The following CDC42 variants were observed in gnomAD, a reference collection of about 807,000 sequenced individuals.
CDC42 encodes cell division cycle 42.
Under a neutral mutation model 20.8 loss-of-function variants are expected in CDC42, and 1 was observed. The observed-to-expected ratio is 0.05, with a 90% CI of 0.02 to 0.23. The LOEUF is 0.23. Among genes scored for constraint, CDC42 ranks in the 10% least tolerant of loss-of-function variants. The probability of loss-of-function intolerance (pLI) is 1.00; values close to 1 mark genes in which losing one functional copy is unlikely to be tolerated. For missense variants in CDC42, 49 were observed against 227.9 expected (o/e 0.21, Z 5.05); for synonymous variants, 72 against 84.8 (o/e 0.85, Z 0.83).
At chr1:22,087,427 C>A (rs570694983) in intron 5 of CDC42, among the ~76,000 whole-genome samples, 2 of 151,998 alleles carry the variant, frequency 1.3e-5, no homozygotes, top group African/African-American at 4.8e-5. Context: ...GCATTCCGGC[C>A]GTTTTTGAGT....
At chr1:22,062,215 C>T (rs981468119) in intron 1 of CDC42, among the ~76,000 whole-genome samples, 2 of 152,186 alleles carry the variant, frequency 1.3e-5, no homozygotes, top group African/African-American at 2.4e-5. Context: ...GGATTACAGG[C>T]GTGAGCCTCC....
intron 3 of CDC42, among the ~76,000 whole-genome samples, chr1:22,083,106 TC>T (rs1280064957): frequency 2.6e-5 from 4 of 151,780 alleles, no homozygotes; most frequent in African/African-American, 9.7e-5. Context: ...GTCTCGAACT[TC>T]TGACCTCAGG....
intron 1 of CDC42, among the ~76,000 whole-genome samples, chr1:22,054,512 G>A (rs1399354580): frequency 2.0e-5 from 3 of 152,118 alleles, no homozygotes; most frequent in African/African-American, 7.2e-5. Flanking sequence ...ATCCTTCCGC[G>A]ACTGCAATAG....
In CDC42 at chr1:22,086,533, A is replaced by G; in HGVS notation, c.273A>G (p.Glu91=). ...CAGTGGTCTCTCCATCTTCATTTGA[A>G]AACGTGAAAGAAAAGGTAAGCTGAT... ...CFSVVSPSSF[E]NVKEKWVPEI... The change falls in exon 4 of 6, where the codon GAA becomes GAG. Residue 91 remains glutamate (E), a synonymous_variant. Transcript: ENST00000656825. 6.2e-7 allele frequency: 1 copy of G among 1,609,180 alleles called. No homozygotes were observed. The highest frequency in any genetic ancestry group is 8.5e-7 in the Non-Finnish European group (1 of 1,176,196).
Position 22,093,672 on chromosome 1 carries a change from G to C in CDC42, c.*2155G>C, listed in dbSNP as rs1009307964. Among the ~76,000 whole-genome samples, 5 of 152,166 alleles carry C rather than the reference G, an allele frequency of 3.3e-5. No homozygotes were observed. The highest frequency in any genetic ancestry group is 4.8e-5 in the African/African-American group (2 of 41,436). On this transcript the variant is annotated 3_prime_UTR_variant, in exon 6 of 6. Transcript: ENST00000656825. ...GTTGGTTGAGAAGGGGTTAGGAAGA[G>C]GCAGATGTAAGCTTTAACAGTTCTA...
intron 1 of CDC42, among the ~76,000 whole-genome samples, chr1:22,054,921 ATTTTTTTTTTTTTTTT>A (rs1180547322): frequency 1.5e-4 from 3 of 19,396 alleles, no homozygotes; most frequent in Admixed American, 7.6e-4. Flanking sequence ...ATATATATAT[ATTTTTTTTTTTTTTTT>A]TTTTTTTTTT....
In CDC42 at chr1:22,061,528, C is replaced by CTTTTTTTTTTTTTTTTTT. The variant is rs1404317396; in HGVS notation, c.-51+8789_-51+8790insTTTTTTTTTTTTTTTTTT. ...GGTCAATCAGTTTAACTTCATGTTT[C>CTTTTTTTTTTTTTTTTTT]TTTCTTTTTTTTTTTTTTTTTTTTT... On this transcript the variant is annotated intron_variant, in intron 1 of 5. Coordinates refer to ENST00000656825, the MANE Select transcript of CDC42 (RefSeq NM_001791.4). Among the ~76,000 whole-genome samples the CTTTTTTTTTTTTTTTTTT allele has an allele frequency of 9.3e-5, 8 of 86,306 alleles. 4 individuals are homozygous for CTTTTTTTTTTTTTTTTTT. Among genetic ancestry groups the CTTTTTTTTTTTTTTTTTT allele is most frequent in the South Asian group, 8.3e-4 (2 of 2,410 alleles). 56.6% of individuals were successfully genotyped at this position (86,306 alleles called of 152,430 possible).
In CDC42 at chr1:22,099,694, C is replaced by A. The variant is rs1534949; in HGVS notation, c.*8177C>A. Among the ~76,000 whole-genome samples the A allele has an allele frequency of 0.55, 83,162 of 151,782 alleles. 23,131 individuals are homozygous for A. The highest frequency in any genetic ancestry group is 0.6 in the Non-Finnish European group (40,464 of 67,934). The stretch of plus-strand genomic sequence containing the variant: ...GTTGTAGCATGAGAGAATATGACAC[C>A]TTCTTCCTTTAGAGGATCTAAAGGT... On this transcript the variant is annotated 3_prime_UTR_variant, in exon 6 of 6. Coordinates refer to ENST00000656825, the MANE Select transcript of CDC42 (RefSeq NM_001791.4).
rs16830932 is a variant in CDC42 at position 22,060,917 on chromosome 1, G to GT, written c.-51+8182dup. ...AAAGGATAGTTCTATGGATATCAGT[G>GT]TTTTTTTATTTTGCTATTTTATTCG... On this transcript the variant is annotated intron_variant, in intron 1 of 5. Transcript: ENST00000656825. Among the ~76,000 whole-genome samples, 519 of 152,206 alleles carry GT rather than the reference G, an allele frequency of 3.4e-3. 4 individuals are homozygous for GT. Among genetic ancestry groups the GT allele is most frequent in the African/African-American group, 0.011 (472 of 41,520 alleles).
In CDC42 at chr1:22,098,201, T is replaced by G. The variant is rs1296649199; in HGVS notation, c.*6684T>G. Among the ~76,000 whole-genome samples the G allele has an allele frequency of 3.3e-5, 5 of 152,232 alleles. No homozygotes were observed. The highest frequency in any genetic ancestry group is 5.9e-5 in the Non-Finnish European group (4 of 68,036). On this transcript the variant is annotated 3_prime_UTR_variant, in exon 6 of 6. Coordinates refer to ENST00000656825, the MANE Select transcript of CDC42 (RefSeq NM_001791.4). ...TTTTATTTTGATGAAGTTTGCATTA[T>G]TACTCCTAACAACGTGCCCTTTGGC...
In CDC42 at chr1:22,099,518, G is replaced by T. The variant is rs1645776780; in HGVS notation, c.*8001G>T. On this transcript the variant is annotated 3_prime_UTR_variant, in exon 6 of 6. Coordinates refer to ENST00000656825, the MANE Select transcript of CDC42 (RefSeq NM_001791.4). ...TGCTTACCATTACATATCTTATGTG[G>T]AAATAAAATGTATATGATTAATTAC... Among the ~76,000 whole-genome samples, 1 of 152,200 alleles carries T rather than the reference G, an allele frequency of 6.6e-6. No homozygotes were observed.
At chr1:22,072,708 C>A (rs1436581573) in intron 1 of CDC42, among the ~76,000 whole-genome samples, 1 of 152,112 alleles carries the variant, frequency 6.6e-6, no homozygotes, top group Non-Finnish European at 1.5e-5. Flanking sequence ...CACCGCCACC[C>A]TGTCACTTTA....
intron 5 of CDC42, among the ~76,000 whole-genome samples, chr1:22,088,162 A>G (rs548561501): frequency 2.6e-5 from 4 of 152,350 alleles, no homozygotes; most frequent in Admixed American, 6.5e-5. Context: ...TTTTAGTAAC[A>G]TTCCCAGAAA....
intron 1 of CDC42, among the ~76,000 whole-genome samples, chr1:22,074,849 T>C (rs1292139813): frequency 6.6e-6 from 1 of 152,182 alleles, no homozygotes; most frequent in Non-Finnish European, 1.5e-5. Flanking sequence ...ATAGAAGAGC[T>C]GAGGAAAGGG....
At chr1:22,075,834 A>G (rs748829663) in intron 1 of CDC42, among the ~76,000 whole-genome samples, 18 of 152,198 alleles carry the variant, frequency 1.2e-4, no homozygotes, top group Non-Finnish European at 2.1e-4. Flanking sequence ...CAGGCTTAAC[A>G]GGGGACTCAC....
rs577751866 is a variant in CDC42 at position 22,093,401 on chromosome 1, G to A, written c.*1884G>A. Among the ~76,000 whole-genome samples the A allele has an allele frequency of 6.6e-6, 1 of 152,260 alleles. No individual in the cohort carries two copies. The highest frequency in any genetic ancestry group is 1.9e-4 in the East Asian group (1 of 5,180). On this transcript the variant is annotated 3_prime_UTR_variant, in exon 6 of 6. Transcript: ENST00000656825. ...GTTTGGGAATCACCACACCTAGTTG[G>A]TTATCTCAAACTACTACTATCAGAA...
intron 5 of CDC42, chr1:22,089,923 T>C: frequency 1.2e-6 from 2 of 1,611,700 alleles, no homozygotes; most frequent in Non-Finnish European, 1.7e-6. Flanking sequence ...CTATTCTCTC[T>C]CCTCCCCTCT....
chr1:22,072,091 C>CTT (rs55929932), intron 1 of CDC42, among the ~76,000 whole-genome samples: 2,412 of 70,696 alleles, frequency 0.034, 18 homozygotes, highest in Non-Finnish European at 0.038. Context: ...TTTTACTTAC[C>CTT]TTTTTTTTTT....
At position 22,058,973 on chromosome 1, in the gene CDC42, C is replaced by G. The variant is rs370070306; in HGVS notation, c.-51+6231C>G. Reference sequence around the variant, plus strand: ...GGGATTGCAGGCACGCACCACCACACTTGGCTAATTGTAAATATATATATA... The same window carrying G: ...GGGATTGCAGGCACGCACCACCACAGTTGGCTAATTGTAAATATATATATA... On this transcript the variant is annotated intron_variant, in intron 1 of 5. Coordinates refer to ENST00000656825, the MANE Select transcript of CDC42 (RefSeq NM_001791.4). 4.7e-5 allele frequency among the ~76,000 whole-genome samples: 7 copies of G among 148,488 alleles called. No individual in the cohort carries two copies. The South Asian group carries it at 8.7e-4, about 18-fold the overall frequency.
Sources: gnomAD v4.1 joint callset for allele counts (sites outside exome capture counted in the v4.1 genomes callset) on GRCh38, gnomAD v4.1.1 for gene constraint, MANE v1.5 for transcripts, NCBI Gene and HGNC (gene_info 2026-07-23, HGNC 2026-07-21) for gene names.